The following MGA variants were observed in gnomAD, a reference collection of about 807,000 sequenced individuals.
MGA encodes MAX gene-associated protein.
MGA carries 40 observed loss-of-function variants against 261.1 expected under a neutral mutation model. That is an observed-to-expected ratio of 0.15 (90% CI 0.12 to 0.20). The LOEUF (loss-of-function observed/expected upper bound fraction) is 0.20. Among genes scored for constraint, MGA ranks in the 10% least tolerant of loss-of-function variants. MGA has a pLI of 1.00. For missense variants in MGA, 3,397 were observed against 3,630.5 expected (o/e 0.94, Z 1.65); for synonymous variants, 1,302 against 1,290.6 (o/e 1.01, Z -0.19).
Position 41,711,291 on chromosome 15 carries a change from G to A in MGA, c.3026G>A (p.Arg1009Lys), listed in dbSNP as rs1333725845. The A allele has an allele frequency of 6.2e-7, 1 of 1,613,848 alleles. No individual in the cohort carries two copies. The stretch of plus-strand genomic sequence containing the variant: ...TGTGCACTTTGGGAAGGAAAACCAA[G>A]GACATACATCACAGAAGAGCGAGCA... The change falls in exon 8 of 24, where the codon AGG (arginine) becomes AAG (lysine). Residue 1009 changes from arginine (R) to lysine (K), a missense_variant. Physicochemically the swap from Arg to Lys is conservative, Grantham distance 26. Around this residue, in one of 9 missense-constraint regions of MGA, gnomAD observed 519 missense variants for 554.1 expected, o/e 0.94. Coordinates refer to ENST00000219905, the MANE Select transcript of MGA (RefSeq NM_001164273.2).
At chr15:41,747,876 C>A (rs944070523) in intron 15 of MGA, among the ~76,000 whole-genome samples, 3 of 152,128 alleles carry the variant, frequency 2.0e-5, no homozygotes, top group Non-Finnish European at 4.4e-5. Context: ...TCTGGCTGTT[C>A]TCAGCCATAA....
intron 3 of MGA, among the ~76,000 whole-genome samples, chr15:41,698,019 C>T (rs2059632252): frequency 6.9e-6 from 1 of 144,442 alleles, no homozygotes; most frequent in African/African-American, 2.6e-5. Context: ...CAGGTGCTCG[C>T]CACCATGCCC....
Position 41,706,910 on chromosome 15 carries a change from C to T in MGA, c.2189-818C>T, listed in dbSNP as rs548401806. Among the ~76,000 whole-genome samples the T allele has an allele frequency of 2.6e-5, 4 of 152,258 alleles. No individual in the cohort carries two copies. In the East Asian group the frequency reaches 7.7e-4, roughly 29 times the overall value. ...CTTCACTTTGAACTTCTTTTGGCTT[C>T]AGTTTTATTAAAATTTAAGTTAAAT... On this transcript the variant is annotated intron_variant, in intron 5 of 23. Coordinates refer to ENST00000219905, the MANE Select transcript of MGA (RefSeq NM_001164273.2).
chr15:41,751,915 T>C (rs2062856579), intron 17 of MGA: 1 of 152,184 alleles, frequency 6.6e-6, no homozygotes, highest in Non-Finnish European at 1.5e-5. Context: ...TGTTTTACAA[T>C]CTCACTTCCT....
chr15:41,728,367 T>C (rs1467140948), intron 10 of MGA, among the ~76,000 whole-genome samples: 2 of 151,954 alleles, frequency 1.3e-5, no homozygotes, highest in Non-Finnish European at 2.9e-5. Context: ...AAGGCAAGGG[T>C]TAGGGCCGCT....
chr15:41,717,431 C>T (rs1051993953), intron 9 of MGA, among the ~76,000 whole-genome samples: 6 of 151,986 alleles, frequency 3.9e-5, no homozygotes, highest in African/African-American at 1.2e-4. Flanking sequence ...TACTAATTAC[C>T]ATTATTAGGA....
intron 22 of MGA, 125 bp from the exon 23 acceptor site, chr15:41,764,761 C>T: frequency 2.1e-6 from 2 of 951,046 alleles, no homozygotes; most frequent in South Asian, 3.3e-5. Flanking sequence ...CCAGGCTGGT[C>T]TTGAACTCCT....
chr15:41,625,355 C>A (rs888501898), intron 1 of MGA, among the ~76,000 whole-genome samples: 4 of 151,626 alleles, frequency 2.6e-5, no homozygotes, highest in African/African-American at 9.7e-5. Flanking sequence ...TTTAGGAGAT[C>A]CAGTAATCAG....
At chr15:41,667,504 C>T (rs1158462641) in intron 1 of MGA, among the ~76,000 whole-genome samples, 1 of 152,004 alleles carries the variant, frequency 6.6e-6, no homozygotes, top group African/African-American at 2.4e-5. Context: ...CCTTGGCCTC[C>T]CAGAGTGCTT....
At chr15:41,661,696 G>A (rs947226492) in intron 1 of MGA, among the ~76,000 whole-genome samples, 2 of 152,222 alleles carry the variant, frequency 1.3e-5, no homozygotes, top group African/African-American at 4.8e-5. Flanking sequence ...TGTAGAGCTT[G>A]CCAGGCTTAT....
intron 1 of MGA, among the ~76,000 whole-genome samples, chr15:41,647,192 C>G (rs955871289): frequency 7.9e-5 from 12 of 152,196 alleles, no homozygotes; most frequent in African/African-American, 2.7e-4. Flanking sequence ...ATGTACCTTA[C>G]ACAAACTTGT....
chr15:41,693,639 T>C (rs974676634), intron 2 of MGA, among the ~76,000 whole-genome samples: 1 of 152,146 alleles, frequency 6.6e-6, no homozygotes, highest in Admixed American at 6.5e-5. Context: ...TGTATTTTAT[T>C]GGACTGAGAC....
At chr15:41,629,109 A>G (rs960879176) in intron 1 of MGA, among the ~76,000 whole-genome samples, 1 of 150,858 alleles carries the variant, frequency 6.6e-6, no homozygotes, top group Non-Finnish European at 1.5e-5. Context: ...TCGTCTCAAA[A>G]AAAAAAAAAA....
chr15:41,705,965 G>A (rs1014526260), intron 5 of MGA, among the ~76,000 whole-genome samples: 2 of 152,134 alleles, frequency 1.3e-5, no homozygotes, highest in African/African-American at 4.8e-5. Context: ...CAGGCCAGGT[G>A]CGGTGGCTCA....
chr15:41,645,327 C>T (rs542572961), intron 1 of MGA, among the ~76,000 whole-genome samples: 5 of 152,354 alleles, frequency 3.3e-5, no homozygotes, highest in African/African-American at 1.2e-4. Context: ...CGGTGGCTCA[C>T]GCCTGTAATC....
In MGA at chr15:41,749,577, G is replaced by T; in HGVS notation, c.5970G>T (p.Thr1990=). 6.2e-7 allele frequency: 1 copy of T among 1,613,936 alleles called. No homozygotes were observed. Among genetic ancestry groups the T allele is most frequent in the East Asian group, 2.2e-5 (1 of 44,886 alleles). ...ACTCAATAAAAAGAGAGCAAGAAAC[G>T]AAGAAGGTTCTACAGTCAGAAGGAG... is the stretch of plus-strand genomic sequence containing the variant. The change falls in exon 17 of 24, where the codon ACG becomes ACT. Residue 1990 remains threonine (T), a synonymous_variant. Transcript: ENST00000219905.
chr15:41,719,605 G>C (rs1350209354), intron 9 of MGA, among the ~76,000 whole-genome samples: 1 of 152,072 alleles, frequency 6.6e-6, no homozygotes, highest in Admixed American at 6.6e-5. Context: ...AGCCTGGTGT[G>C]GTGGTATGCA....
chr15:41,694,752 T>C (rs1400903440), intron 2 of MGA, among the ~76,000 whole-genome samples: 2 of 152,132 alleles, frequency 1.3e-5, no homozygotes, highest in African/African-American at 2.4e-5. Context: ...GACCTCGTGA[T>C]CCACCTGCCT....
intron 11 of MGA, among the ~76,000 whole-genome samples, chr15:41,730,280 A>C (rs2061444404): frequency 6.6e-6 from 1 of 152,032 alleles, no homozygotes; most frequent in Non-Finnish European, 1.5e-5. Context: ...CATAGTAAAA[A>C]CACAAAAAAT....
Sources: allele counts gnomAD v4.1 joint callset (sites outside exome capture counted in the v4.1 genomes callset), GRCh38; gene constraint gnomAD v4.1.1; regional missense constraint gnomAD v4.1.1; transcripts MANE v1.5; gene names NCBI Gene and HGNC (gene_info 2026-07-23, HGNC 2026-07-21).